The following SLC35D2 variants were observed in gnomAD, a reference collection of about 807,000 sequenced individuals.
SLC35D2 encodes the protein solute carrier family 35 member D2.
In SLC35D2, 43 loss-of-function variants were observed where a neutral mutation model predicts 41.8. The ratio of observed to expected loss-of-function variants is 1.03; its 90% CI spans 0.81 to 1.33. SLC35D2 has a LOEUF of 1.33. SLC35D2 is among the 40% of genes most tolerant of loss of function. The pLI is 0.00. For missense variants in SLC35D2, 380 were observed against 408.4 expected, an observed-to-expected ratio of 0.93 and a Z score of 0.60; for synonymous variants, 150 against 163.9, an observed-to-expected ratio of 0.92 and a Z score of 0.65.
At chr9:96,371,591 A>G (rs1007606931) in intron 1 of SLC35D2, among the ~76,000 whole-genome samples, 6 of 150,490 alleles carry the variant, frequency 4.0e-5, no homozygotes, top group African/African-American at 1.5e-4. Context: ...ATTTAGAGGG[A>G]TCTTTTAACA....
chr9:96,314,991 AAT>A (rs958296751), intron 11 of SLC35D2: 6 of 152,156 alleles, frequency 3.9e-5, no homozygotes, highest in African/African-American at 1.4e-4. Flanking sequence ...TACCTGAATC[AAT>A]GTTTCCTCAT....
intron 3 of SLC35D2, among the ~76,000 whole-genome samples, chr9:96,362,605 T>C (rs897952948): frequency 6.6e-6 from 1 of 152,054 alleles, no homozygotes; most frequent in African/African-American, 2.4e-5. Flanking sequence ...GGATAGTGGG[T>C]AAGGAAGACT....
intron 4 of SLC35D2, among the ~76,000 whole-genome samples, chr9:96,352,775 C>T (rs1829860405): frequency 6.6e-6 from 1 of 152,048 alleles, no homozygotes; most frequent in Non-Finnish European, 1.5e-5. Flanking sequence ...CCGTGGCTCT[C>T]GCCTGTAATC....
At chr9:96,380,478 G>C (rs1831152760) in intron 1 of SLC35D2, among the ~76,000 whole-genome samples, 1 of 148,538 alleles carries the variant, frequency 6.7e-6, no homozygotes, top group African/African-American at 2.5e-5. Context: ...TTTTTTTTGA[G>C]ACTGAGTCTC....
intron 1 of SLC35D2, among the ~76,000 whole-genome samples, chr9:96,381,854 TCTCTC>T (rs1303735277): frequency 6.6e-6 from 1 of 152,100 alleles, no homozygotes; most frequent in Non-Finnish European, 1.5e-5. Flanking sequence ...ACAGTGATCT[TCTCTC>T]TGTTCCTCCA....
At chr9:96,346,278 C>T (rs963092897) in intron 6 of SLC35D2, among the ~76,000 whole-genome samples, 2 of 152,174 alleles carry the variant, frequency 1.3e-5, no homozygotes, top group African/African-American at 4.8e-5. Flanking sequence ...AACAGTTAGA[C>T]TTGGGGACTT....
chr9:96,322,078 A>C lies in SLC35D2; in HGVS notation c.834T>G (p.Asn278Lys), dbSNP rs755624906. The part of the protein sequence containing the change: ...LTTAVVGAIK[N>K]VSVAYIGILI... The stretch of plus-strand genomic sequence containing the variant: ...ATATCCCAATGTAGGCAACGGATAC[A>C]TTCTGCAGAAAAAGAGAGAGGATTC... Residue 278 changes from asparagine to lysine, a missense_variant and splice_region_variant, in exon 11 of 12, where the codon AAT becomes AAG. Asn to Lys is a moderately conservative substitution (Grantham distance 94). Coordinates refer to ENST00000253270, the MANE Select transcript of SLC35D2 (RefSeq NM_007001.3). 5.1e-6 allele frequency: 8 copies of C among 1,583,546 alleles called. No individual in the cohort carries two copies. In the Admixed American group the frequency reaches 1.4e-4, roughly 27 times the overall value.
intron 1 of SLC35D2, among the ~76,000 whole-genome samples, chr9:96,378,942 G>GA (rs1290470052): frequency 6.6e-6 from 1 of 151,304 alleles, no homozygotes; most frequent in Non-Finnish European, 1.5e-5. Context: ...AGAAAGAAGA[G>GA]AAAAAACTGC....
At chr9:96,324,924 G>A (rs1828449601) in intron 9 of SLC35D2, among the ~76,000 whole-genome samples, 1 of 152,090 alleles carries the variant, frequency 6.6e-6, no homozygotes, top group African/African-American at 2.4e-5. Flanking sequence ...GTTTGAGGTG[G>A]GGCCCCGACC....
In SLC35D2 at chr9:96,324,853, C is replaced by T. The variant is rs111776849; in HGVS notation, c.753-684G>A. On this transcript the variant is annotated intron_variant, in intron 9 of 11. Transcript: ENST00000253270. ...TACAGGCGTGAGCCACCGCGCCTGG[C>T]CCGCCTGCTGCACTTCCAACACACA... Among the ~76,000 whole-genome samples the T allele has an allele frequency of 1.8e-3, 269 of 151,448 alleles. 2 individuals carry two copies. Among genetic ancestry groups the T allele is most frequent in the African/African-American group, 6.2e-3 (254 of 41,292 alleles).
rs1021812178 is a variant in SLC35D2, at chr9:96,359,788, G to T, written c.347+366C>A. ...ATTATTTTTCCCTGCACCAAACCTG[G>T]TCTACACCAAGGCTGAGGAGATGTT... is the stretch of plus-strand genomic sequence containing the variant. On this transcript the variant is annotated intron_variant, in intron 4 of 11. Transcript: ENST00000253270. Among the ~76,000 whole-genome samples, 15 of 152,014 alleles carry T rather than the reference G, an allele frequency of 9.9e-5. 1 individual carries two copies. Among genetic ancestry groups the T allele is most frequent in the African/African-American group, 3.6e-4 (15 of 41,438 alleles).
intron 7 of SLC35D2, among the ~76,000 whole-genome samples, chr9:96,344,879 G>A (rs1322327037): frequency 6.6e-6 from 1 of 152,118 alleles, no homozygotes; most frequent in Non-Finnish European, 1.5e-5. Context: ...CACAGATAAG[G>A]AAACTGAAGT....
At position 96,383,620 on chromosome 9, in the gene SLC35D2, G is replaced by A; in HGVS notation, c.15C>T (p.Gly5=). ...CGCCAGCGCCCTCGGCCTCGGCCTG[G>A]CCGCCGGCCGTCATCTCCTGCGGCC... is the stretch of plus-strand genomic sequence containing the variant. MTAG[G]QAEAEGAGGE... Residue 5 remains glycine, a synonymous_variant, in exon 1 of 12, where the codon GGC becomes GGT. Coordinates refer to ENST00000253270, the MANE Select transcript of SLC35D2 (RefSeq NM_007001.3). 2 of 1,166,840 alleles carry A rather than the reference G, an allele frequency of 1.7e-6. No individual in the cohort carries two copies. Among genetic ancestry groups the A allele is most frequent in the Non-Finnish European group, 2.1e-6 (2 of 951,006 alleles). 72.3% of individuals were successfully genotyped at this position (1,166,840 alleles called of 1,614,324 possible).
intron 8 of SLC35D2, 21 bp from the exon 9 acceptor site, chr9:96,336,805 A>G: frequency 7.2e-6 from 10 of 1,390,434 alleles, no homozygotes; most frequent in Non-Finnish European, 9.0e-6. Flanking sequence ...AAAGAAAAAA[A>G]CTAATGATTA....
rs147496848 is a variant in SLC35D2 at position 96,334,560 on chromosome 9, T to C, written c.752+2157A>G. Among the ~76,000 whole-genome samples, 350 of 151,984 alleles carry C rather than the reference T, an allele frequency of 2.3e-3. 1 individual carries two copies. Among genetic ancestry groups the C allele is most frequent in the African/African-American group, 7.5e-3 (309 of 41,446 alleles). On this transcript the variant is annotated intron_variant, in intron 9 of 11. Coordinates refer to ENST00000253270, the MANE Select transcript of SLC35D2 (RefSeq NM_007001.3). ...GGCTGAGGCAGGAGAATCACTTGAA[T>C]GCAAGAGGCAGAGGTTGCAGTGAGC...
Position 96,351,189 on chromosome 9 carries a change from A to G in SLC35D2, c.420-18T>C. On this transcript the variant is annotated intron_variant, in intron 5 of 11. Coordinates refer to ENST00000253270, the MANE Select transcript of SLC35D2 (RefSeq NM_007001.3). ...ACTGCTTCCTGTAATAAATACACAA[A>G]TAAGAAAGGAAAGGGAGCAGAGAGG... 6.5e-7 allele frequency: 1 copy of G among 1,538,464 alleles called. No individual in the cohort carries two copies. Among genetic ancestry groups the G allele is most frequent in the Non-Finnish European group, 9.0e-7 (1 of 1,111,268 alleles).
At chr9:96,337,530 CTTAA>C (rs145500625) in intron 8 of SLC35D2, among the ~76,000 whole-genome samples, 28,015 of 151,832 alleles carry the variant, frequency 0.18, 3,018 homozygotes, top group African/African-American at 0.3. Flanking sequence ...AAAGTTTATT[CTTAA>C]TTAATAATGT....
intron 11 of SLC35D2, among the ~76,000 whole-genome samples, chr9:96,315,217 T>A (rs1828022021): frequency 1.3e-5 from 2 of 151,144 alleles, no homozygotes; most frequent in Non-Finnish European, 3.0e-5. Context: ...CCTCCCAAGG[T>A]CAAGCTATCC....
At chr9:96,379,535 G>A (rs759423786) in intron 1 of SLC35D2, among the ~76,000 whole-genome samples, 78 of 152,248 alleles carry the variant, frequency 5.1e-4, no homozygotes, top group Middle Eastern at 3.4e-3. Context: ...AGAGGAAAAA[G>A]TATCCCCTGA....
Sources: gnomAD v4.1 joint callset for allele counts (sites outside exome capture counted in the v4.1 genomes callset) on GRCh38, gnomAD v4.1.1 for gene constraint, MANE v1.5 for transcripts, NCBI Gene and HGNC (gene_info 2026-07-23, HGNC 2026-07-21) for gene names.